CAST: variants seen among roughly 807,000 people sequenced by gnomAD.
The protein encoded by CAST is MIR583 host.
CAST carries 76 observed loss-of-function variants against 119.6 expected under a neutral mutation model. The ratio of observed to expected loss-of-function variants is 0.64; its 90% CI spans 0.53 to 0.77. The LOEUF (loss-of-function observed/expected upper bound fraction) is 0.77, where lower values mean the gene tolerates loss of function less well. Ranked by LOEUF, CAST falls within the 30% of genes least tolerant of loss-of-function variation. The pLI is 0.00. For missense variants in CAST, 953 were observed against 946.5 expected, an observed-to-expected ratio of 1.01 and a Z score of -0.09; for synonymous variants, 319 against 331.6, an observed-to-expected ratio of 0.96 and a Z score of 0.41.
the CAST span, among the ~76,000 whole-genome samples, chr5:96,187,924 G>A: frequency 6.6e-6 from 1 of 152,150 alleles, no homozygotes; most frequent in African/African-American, 2.4e-5. Context: ...GCTTAGTTAA[G>A]CTGAAAACAA....
the CAST span, among the ~76,000 whole-genome samples, chr5:96,256,802 C>G: frequency 2.0e-5 from 3 of 151,858 alleles, no homozygotes; most frequent in Admixed American, 6.6e-5. Context: ...TATTATTTTC[C>G]TGTTATTATT....
At chr5:96,468,121 C>T in the CAST span, among the ~76,000 whole-genome samples, 1 of 151,992 alleles carries the variant, frequency 6.6e-6, no homozygotes, top group Non-Finnish European at 1.5e-5. Context: ...AGTGAAGTAA[C>T]TCAAGAATGA....
chr5:96,425,008 AAAAGAAAGAAAGAAAGAAAG>A, the CAST span, among the ~76,000 whole-genome samples: 9,454 of 117,396 alleles, frequency 0.081, 438 homozygotes, highest in South Asian at 0.098. Context: ...AGAAAGAAAG[AAAAGAAAGAAAGAAAGAAAG>A]AAAGAAAGAA....
In CAST at chr5:96,712,968, C is replaced by T. The variant is rs185370684; in HGVS notation, c.211-9671C>T. Among the ~76,000 whole-genome samples the T allele has an allele frequency of 7.2e-5, 11 of 152,246 alleles. No individual in the cohort carries two copies. In the East Asian group the frequency reaches 1.4e-3, roughly 19 times the overall value. The stretch of plus-strand genomic sequence containing the variant: ...TTTGTGTTAGAGACATTTTGAGTCT[C>T]TCATTTCTGTGGAGATTGAGGCTTG... On this transcript the variant is annotated intron_variant, in intron 3 of 31. Coordinates refer to ENST00000675179, the MANE Select transcript of CAST (RefSeq NM_001750.7).
At chr5:96,306,520 G>C in the CAST span, among the ~76,000 whole-genome samples, 1 of 151,738 alleles carries the variant, frequency 6.6e-6, no homozygotes, top group Non-Finnish European at 1.5e-5. Context: ...TTGCTTCTCT[G>C]GTTCTTTTAA....
the CAST span, among the ~76,000 whole-genome samples, chr5:96,063,544 T>A: frequency 6.6e-6 from 1 of 152,090 alleles, no homozygotes; most frequent in Admixed American, 6.6e-5. Context: ...CATCTCAGAG[T>A]CTGTTTCCCA....
At chr5:96,401,086 CAAAAAAAAAAAAAA>C in the CAST span, among the ~76,000 whole-genome samples, 2 of 70,548 alleles carry the variant, frequency 2.8e-5, no homozygotes, top group African/African-American at 5.9e-5. Context: ...GACTCCGTCT[CAAAAAAAAAAAAAA>C]AAAAAAAAAA....
the CAST span, among the ~76,000 whole-genome samples, chr5:96,384,219 A>G: frequency 0.28 from 42,041 of 152,068 alleles, 5,873 homozygotes; most frequent in East Asian, 0.32. Flanking sequence ...TGGGTAGAAA[A>G]TTAGATAATT....
At chr5:96,211,042 C>T in the CAST span, among the ~76,000 whole-genome samples, 1 of 151,858 alleles carries the variant, frequency 6.6e-6, no homozygotes, top group Non-Finnish European at 1.5e-5. Context: ...GTTGAACTCA[C>T]TTAGTATTTT....
the CAST span, among the ~76,000 whole-genome samples, chr5:96,517,649 G>T: frequency 6.6e-6 from 1 of 152,176 alleles, no homozygotes; most frequent in African/African-American, 2.4e-5. Flanking sequence ...AAATGTGTCT[G>T]TGCTCATTAT....
chr5:96,388,845 G>C, the CAST span, among the ~76,000 whole-genome samples: 1 of 151,918 alleles, frequency 6.6e-6, no homozygotes, highest in African/African-American at 2.4e-5. Flanking sequence ...ATTGTTTTAT[G>C]TACAACACAA....
the CAST span, among the ~76,000 whole-genome samples, chr5:96,230,636 A>G: frequency 3.7e-4 from 57 of 152,264 alleles, no homozygotes; most frequent in African/African-American, 1.3e-3. Flanking sequence ...TGAAAGTAGG[A>G]TTGTTAACTT....
the CAST span, among the ~76,000 whole-genome samples, chr5:96,276,859 T>C: frequency 6.6e-6 from 1 of 152,198 alleles, no homozygotes; most frequent in African/African-American, 2.4e-5. Context: ...TATGAAGGTT[T>C]TCATGCTTTT....
At chr5:96,744,180 C>T (rs1250260031) in intron 16 of CAST, among the ~76,000 whole-genome samples, 5 of 152,128 alleles carry the variant, frequency 3.3e-5, no homozygotes, top group African/African-American at 7.2e-5. Flanking sequence ...AACTAAAATT[C>T]CAGCAAAAAG....
chr5:96,228,740 T>G, the CAST span, among the ~76,000 whole-genome samples: 1 of 152,230 alleles, frequency 6.6e-6, no homozygotes, highest in Admixed American at 6.5e-5. Flanking sequence ...TGTGTCAGCA[T>G]GCTTACAAAG....
upstream of CAST, among the ~76,000 whole-genome samples, chr5:96,526,834 C>T (rs183718524): frequency 2.0e-5 from 3 of 152,174 alleles, no homozygotes; most frequent in East Asian, 3.9e-4. Flanking sequence ...AAGAGACACA[C>T]GTTATAGTAG....
At chr5:96,452,640 T>TAAAA in the CAST span, among the ~76,000 whole-genome samples, 6,191 of 89,654 alleles carry the variant, frequency 0.069, 896 homozygotes, top group African/African-American at 0.12. Context: ...TAAAGTATAA[T>TAAAA]AAAAAAAAAA....
At chr5:96,739,098 A>G (rs1238086760) in intron 11 of CAST, among the ~76,000 whole-genome samples, 10 of 152,194 alleles carry the variant, frequency 6.6e-5, no homozygotes, top group Admixed American at 6.5e-4. Context: ...AGTAAAATGA[A>G]ACTCTCCTTA....
At chr5:96,070,302 G>A in the CAST span, among the ~76,000 whole-genome samples, 2 of 152,150 alleles carry the variant, frequency 1.3e-5, no homozygotes, top group African/African-American at 2.4e-5. Flanking sequence ...GTTTATTTAT[G>A]TAAGCATCTT....
Sources: allele counts gnomAD v4.1 joint callset (sites outside exome capture counted in the v4.1 genomes callset), GRCh38; gene constraint gnomAD v4.1.1; transcripts MANE v1.5; gene names NCBI Gene and HGNC (gene_info 2026-07-23, HGNC 2026-07-21).